The following NIBAN3 variants were observed in gnomAD, a reference collection of about 807,000 sequenced individuals.
NIBAN3 encodes niban apoptosis regulator 3.
Under a neutral mutation model 76.4 loss-of-function variants are expected in NIBAN3, and 66 were observed. The observed-to-expected ratio is 0.86, with a 90% CI of 0.71 to 1.06. NIBAN3 has a LOEUF of 1.06. Ranked by LOEUF, NIBAN3 falls within the 50% of genes least tolerant of loss-of-function variation. NIBAN3 has a pLI of 0.00. For synonymous variants in NIBAN3, 360 were observed against 355.2 expected, an observed-to-expected ratio of 1.01 and a Z score of -0.15; for missense variants, 808 against 810.7, an observed-to-expected ratio of 1.00 and a Z score of 0.04.
chr19:17,538,094 G>C (rs1006570731), intron 5 of NIBAN3, among the ~76,000 whole-genome samples: 1 of 151,962 alleles, frequency 6.6e-6, no homozygotes, highest in Non-Finnish European at 1.5e-5. Flanking sequence ...AGGCTTCCCA[G>C]ATGAGGGGAA....
chr19:17,527,550 A>G (rs2075628741), intron 1 of NIBAN3, among the ~76,000 whole-genome samples, 155 bp downstream of exon 1: 2 of 151,966 alleles, frequency 1.3e-5, no homozygotes, highest in Admixed American at 1.3e-4. Flanking sequence ...CACGCAGTGA[A>G]TCTTTTTTTA....
chr19:17,555,121 T>G (rs12461041), downstream of NIBAN3, among the ~76,000 whole-genome samples: 10,271 of 152,060 alleles, frequency 0.068, 583 homozygotes, highest in Admixed American at 0.19. Context: ...GTCTCTATGA[T>G]CTCATTTTAT....
intron 4 of NIBAN3, among the ~76,000 whole-genome samples, chr19:17,536,191 T>C (rs1160258162): frequency 6.6e-6 from 1 of 152,140 alleles, no homozygotes; most frequent in Non-Finnish European, 1.5e-5. Flanking sequence ...CTTTTCTTCT[T>C]CTTTTTGTTT....
intron 14 of NIBAN3, 82 bp from the exon 15 acceptor site, chr19:17,551,704 A>G: frequency 3.1e-6 from 2 of 643,790 alleles, no homozygotes; most frequent in Admixed American, 4.3e-5. Context: ...ATCTCTATTA[A>G]CTCTGATTTT....
In NIBAN3 at chr19:17,543,317, C is replaced by T. The variant is rs1275442461; in HGVS notation, c.1330C>T (p.Leu444Phe). Residue 444 changes from leucine (L) to phenylalanine (F), a missense_variant and splice_region_variant, in exon 11 of 15, where the codon CTC (leucine) becomes TTC (phenylalanine). By Grantham distance (22) the Leu-to-Phe change is conservative. Transcript: ENST00000599164. ...VFGAQDLAQQLMADAVATFLQ... is the reference protein window; with the variant it reads ...VFGAQDLAQQFMADAVATFLQ... ...GTCATCATAGCATCTCCTCCCACAG[C>T]TCATGGCTGACGCCGTGGCCACCTT... 5 of 1,556,640 alleles carry T rather than the reference C, an allele frequency of 3.2e-6. No individual in the cohort carries two copies. Among genetic ancestry groups the T allele is most frequent in the Admixed American group, 1.8e-5 (1 of 55,294 alleles).
intron 14 of NIBAN3, among the ~76,000 whole-genome samples, chr19:17,550,869 A>G (rs2144790132): frequency 2.0e-5 from 1 of 50,914 alleles, no homozygotes; most frequent in African/African-American, 5.8e-5. Flanking sequence ...TTTTTTTTCA[A>G]ATGCAGGTTC....
chr19:17,553,061 G>C lies in NIBAN3; in HGVS notation c.*1163G>C. The C allele has an allele frequency of 5.1e-6, 2 of 389,244 alleles. No individual in the cohort carries two copies. The highest frequency in any genetic ancestry group is 2.8e-5 in the South Asian group (1 of 35,614). 24.1% of individuals were successfully genotyped at this position (389,244 alleles called of 1,614,324 possible). The stretch of plus-strand genomic sequence containing the variant: ...CTGCACTCCAGCCTGGGTGATGGGA[G>C]TGAGACCCTGTCTCAAAAAACAAAA... On this transcript the variant is annotated 3_prime_UTR_variant, in exon 15 of 15. Transcript: ENST00000599164.
chr19:17,534,808 GA>G (rs2075797083), intron 4 of NIBAN3, among the ~76,000 whole-genome samples: 3 of 136,138 alleles, frequency 2.2e-5, no homozygotes, highest in Middle Eastern at 7.8e-3. Context: ...AAAAAAAAAA[GA>G]AAAGAAAAGA....
rs1048593104 is a variant in NIBAN3 at position 17,532,351 on chromosome 19, G to T, written c.275G>T (p.Arg92Leu). 1 of 1,614,184 alleles carries T rather than the reference G, an allele frequency of 6.2e-7. No individual in the cohort carries two copies. Residue 92 changes from arginine (R) to leucine (L), a missense_variant, in exon 3 of 15, where the codon CGT becomes CTT. By Grantham distance (102) the Arg-to-Leu change is moderately radical. Coordinates refer to ENST00000599164, the MANE Select transcript of NIBAN3 (RefSeq NM_001321827.2). ...PRWQPIFCVL[R>L]GDGRLEWFSH... ...TGGCAGCCGATCTTCTGTGTTCTGC[G>T]TGGGGACGGCCGCCTAGAGTGGTTC...
intron 4 of NIBAN3, 68 bp from the exon 5 acceptor site, chr19:17,537,308 T>C (rs957968643): frequency 4.3e-5 from 64 of 1,477,684 alleles, no homozygotes; most frequent in Non-Finnish European, 5.6e-5. Context: ...GACTGCTGTA[T>C]GCATTTCAGG....
At chr19:17,526,774 G>C (rs2075613625), upstream of NIBAN3, among the ~76,000 whole-genome samples, 1 of 152,118 alleles carries the variant, frequency 6.6e-6, no homozygotes, top group African/African-American at 2.4e-5. Context: ...GCTCACCCCT[G>C]CCAGGCCACC....
intron 9 of NIBAN3, among the ~76,000 whole-genome samples, 181 bp from the exon 10 acceptor site, chr19:17,541,955 A>G (rs2075960511): frequency 6.6e-6 from 1 of 152,074 alleles, no homozygotes; most frequent in African/African-American, 2.4e-5. Flanking sequence ...AACTGATGGG[A>G]CTACAGGTGT....
In NIBAN3 at chr19:17,549,461, G is replaced by C. The variant is rs781628391; in HGVS notation, c.1684G>C (p.Gly562Arg). The C allele has an allele frequency of 3.7e-6, 6 of 1,613,486 alleles. No homozygotes were observed. The highest frequency in any genetic ancestry group is 5.1e-6 in the Non-Finnish European group (6 of 1,179,556). The change falls in exon 14 of 15, where the codon GGT (glycine) becomes CGT (arginine). Residue 562 changes from glycine (G) to arginine (R), a missense_variant. By Grantham distance (125) the Gly-to-Arg change is moderately radical. Coordinates refer to ENST00000599164, the MANE Select transcript of NIBAN3 (RefSeq NM_001321827.2). ...RIDQELKKTL[G>R]ANDVSCTLDG... is the part of the protein sequence containing the mutation. ...CATTTCAGAATTGAAAAAGACCCTT[G>C]GTGCCAATGATGTATCCTGCACTCT...
At position 17,533,516 on chromosome 19, in the gene NIBAN3, A is replaced by G. The variant is rs1023526237; in HGVS notation, c.313-71A>G. 5.0e-6 allele frequency: 5 copies of G among 998,666 alleles called. No homozygotes were observed. In the Admixed American group the frequency reaches 9.9e-5, roughly 20 times the overall value. The allele number at this position is 998,666 out of a possible 1,614,324, so 61.9% of individuals were successfully genotyped here. A position where few individuals can be genotyped will look rare whatever the true frequency, so the allele number is the denominator to read the frequency against. ...TCAGCTCATCTGAAATCTTCCCTTG[A>G]TGGTATAGTTGGGACACAGAAGCCA... On this transcript the variant is annotated intron_variant, in intron 3 of 14. Transcript: ENST00000599164.
intron 2 of NIBAN3, 46 bp downstream of exon 2, chr19:17,530,931 C>G: frequency 3.8e-6 from 6 of 1,586,800 alleles, no homozygotes; most frequent in Middle Eastern, 3.4e-4. Context: ...AGGGGAGGGT[C>G]CTGGAGGAGC....
At chr19:17,540,149 G>C in intron 8 of NIBAN3, 1 of 421,402 alleles carries the variant, frequency 2.4e-6, no homozygotes. Context: ...GTAGAACAGC[G>C]GAGGAGGGGC....
intron 5 of NIBAN3, 27 bp from the exon 6 acceptor site, chr19:17,539,123 C>T: frequency 6.5e-7 from 1 of 1,538,590 alleles, no homozygotes; most frequent in East Asian, 2.4e-5. Context: ...GAGCTACCAG[C>T]AGGCACTGAG....
chr19:17,530,460 G>T lies in NIBAN3; in HGVS notation c.56-295G>T, dbSNP rs1199865598. 2.0e-5 allele frequency among the ~76,000 whole-genome samples: 3 copies of T among 149,674 alleles called. No homozygotes were observed. In the East Asian group the frequency reaches 5.9e-4, roughly 29 times the overall value. ...AGGCGGGAGAATTGCTTGAACCCAG[G>T]AGGCAGAGGTTGCAGTGAGCTGAGA... On this transcript the variant is annotated intron_variant, in intron 1 of 14. Coordinates refer to ENST00000599164, the MANE Select transcript of NIBAN3 (RefSeq NM_001321827.2).
chr19:17,555,276 T>C (rs916891122), downstream of NIBAN3, among the ~76,000 whole-genome samples: 13 of 152,156 alleles, frequency 8.5e-5, no homozygotes, highest in African/African-American at 3.1e-4. Flanking sequence ...AAAACCCACG[T>C]TGCAGCAGAG....
Sources: allele counts gnomAD v4.1 joint callset (sites outside exome capture counted in the v4.1 genomes callset), GRCh38; gene constraint gnomAD v4.1.1; transcripts MANE v1.5; gene names NCBI Gene and HGNC (gene_info 2026-07-23, HGNC 2026-07-21).